RFX3: variants seen among roughly 807,000 people sequenced by gnomAD.
RFX3 encodes the protein transcription factor RFX3.
In RFX3, 14 loss-of-function variants were observed where a neutral mutation model predicts 98.6. The observed-to-expected ratio is 0.14, with a 90% CI of 0.09 to 0.22. The LOEUF is 0.22. Among genes scored for constraint, RFX3 ranks in the 10% least tolerant of loss-of-function variants. The probability of loss-of-function intolerance (pLI) is 1.00; values close to 1 mark genes in which losing one functional copy is unlikely to be tolerated. For missense variants in RFX3, 639 were observed against 926.9 expected (o/e 0.69, Z 4.03); for synonymous variants, 383 against 328.4 (o/e 1.17, Z -1.80).
intron 1 of RFX3, among the ~76,000 whole-genome samples, chr9:3,408,868 G>A (rs773680195): frequency 2.0e-5 from 3 of 152,122 alleles, no homozygotes; most frequent in Non-Finnish European, 4.4e-5. Flanking sequence ...GATGGTGATC[G>A]GGTACGATAA....
chr9:3,241,200 C>T (rs1326680335), intron 15 of RFX3, among the ~76,000 whole-genome samples: 1 of 147,122 alleles, frequency 6.8e-6, no homozygotes, highest in Non-Finnish European at 1.5e-5. Context: ...GGAGAAGGTA[C>T]ACTTTTTGGT....
At chr9:3,317,210 T>C (rs1221507022) in intron 4 of RFX3, among the ~76,000 whole-genome samples, 2 of 152,066 alleles carry the variant, frequency 1.3e-5, no homozygotes, top group Non-Finnish European at 2.9e-5. Context: ...TCAGAAATAA[T>C]ACCACACATC....
At chr9:3,339,938 T>C (rs922564209) in intron 3 of RFX3, among the ~76,000 whole-genome samples, 2 of 152,124 alleles carry the variant, frequency 1.3e-5, no homozygotes, top group East Asian at 3.8e-4. Context: ...AGAGCCCACA[T>C]TGGCAAGTCA....
At chr9:3,296,636 C>A (rs1034258824) in intron 5 of RFX3, among the ~76,000 whole-genome samples, 4 of 152,030 alleles carry the variant, frequency 2.6e-5, no homozygotes, top group African/African-American at 9.7e-5. Context: ...CACTTTGACA[C>A]TAGCAAAGCT....
At chr9:3,370,186 TA>T (rs34364552) in intron 2 of RFX3, among the ~76,000 whole-genome samples, 26,767 of 135,452 alleles carry the variant, frequency 0.2, 4,190 homozygotes, top group African/African-American at 0.44. Context: ...TTCAAATTAT[TA>T]AAAAAAAAAA....
chr9:3,506,427 A>G (rs1817104292), intron 1 of RFX3, among the ~76,000 whole-genome samples: 2 of 151,844 alleles, frequency 1.3e-5, no homozygotes, highest in African/African-American at 2.4e-5. Context: ...CAGCAGGCAC[A>G]GTAAAGTTAG....
chr9:3,444,810 A>G (rs1285123268), intron 1 of RFX3, among the ~76,000 whole-genome samples: 1 of 152,216 alleles, frequency 6.6e-6, no homozygotes, highest in East Asian at 1.9e-4. Context: ...CACCAATGGA[A>G]TATACTGACA....
At position 3,366,706 on chromosome 9, in the gene RFX3, CTTTCTTTCT is replaced by C. The variant is rs201214293; in HGVS notation, c.118-19951_118-19943del. On this transcript the variant is annotated intron_variant, in intron 2 of 16. Transcript: ENST00000617270. ...TCTTCTTTCTTTCCTTTCTTTCTTT[CTTTCTTTCT>C]TTCTTTCTTTCTTTCTTTCTTTCTT... is the stretch of plus-strand genomic sequence containing the variant. Among the ~76,000 whole-genome samples the C allele has an allele frequency of 1.3e-3, 112 of 88,800 alleles. 2 individuals are homozygous for C. Among genetic ancestry groups the C allele is most frequent in the East Asian group, 6.7e-3 (20 of 2,980 alleles). The allele number at this position is 88,800 out of a possible 152,430, so 58.3% of individuals were successfully genotyped here.
Position 3,363,578 on chromosome 9 carries a change from C to G in RFX3, c.118-16814G>C, listed in dbSNP as rs138624269. On this transcript the variant is annotated intron_variant, in intron 2 of 16. Transcript: ENST00000617270. ...TCTTACTTATACATGATTATTAAAC[C>G]AGTGCTAACACTATTATTAATAGTG... Among the ~76,000 whole-genome samples the G allele has an allele frequency of 4.0e-3, 606 of 152,210 alleles. 4 individuals carry two copies. The highest frequency in any genetic ancestry group is 0.014 in the African/African-American group (562 of 41,526).
intron 4 of RFX3, among the ~76,000 whole-genome samples, chr9:3,305,003 T>C (rs1052730874): frequency 2.0e-5 from 3 of 151,918 alleles, no homozygotes; most frequent in Non-Finnish European, 2.9e-5. Flanking sequence ...TAAGAACACC[T>C]ACAAAATTCA....
chr9:3,247,941 T>C lies in RFX3; in HGVS notation c.1968+91A>G, dbSNP rs74939481. On this transcript the variant is annotated intron_variant, in intron 15 of 16. Transcript: ENST00000617270. ...CTGAGGCTGACTTGGTTAGGAACCA[T>C]GGTTTTAATCAATAATGTATTTAGA... 3.2e-5 allele frequency: 51 copies of C among 1,613,242 alleles called. No homozygotes were observed. In the African/African-American group the frequency reaches 4.5e-4, roughly 14 times the overall value.
chr9:3,313,694 G>A (rs2130543875), intron 4 of RFX3, among the ~76,000 whole-genome samples: 1 of 152,328 alleles, frequency 6.6e-6, no homozygotes, highest in Non-Finnish European at 1.5e-5. Context: ...TGATGGAGCT[G>A]AAAACCATGG....
intron 1 of RFX3, among the ~76,000 whole-genome samples, chr9:3,425,362 C>T (rs1049958250): frequency 2.0e-5 from 3 of 152,192 alleles, no homozygotes; most frequent in Non-Finnish European, 4.4e-5. Flanking sequence ...TTTTATATAT[C>T]TGTATGGTCA....
intron 1 of RFX3, among the ~76,000 whole-genome samples, chr9:3,431,973 T>A (rs1243894300): frequency 6.6e-6 from 1 of 152,176 alleles, no homozygotes; most frequent in African/African-American, 2.4e-5. Flanking sequence ...CCACTATTTG[T>A]GCAAATGCCG....
Position 3,504,196 on chromosome 9 carries a change from T to C in RFX3, c.-9+21551A>G, listed in dbSNP as rs1049017951. Among the ~76,000 whole-genome samples the C allele has an allele frequency of 3.1e-3, 307 of 98,232 alleles. 5 individuals carry two copies. Among genetic ancestry groups the C allele is most frequent in the East Asian group, 2.1e-3 (2 of 954 alleles). The allele number at this position is 98,232 out of a possible 152,430, so 64.4% of individuals were successfully genotyped here. A position where few individuals can be genotyped will look rare whatever the true frequency, so the allele number is the denominator to read the frequency against. On this transcript the variant is annotated intron_variant, in intron 1 of 16. Coordinates refer to ENST00000617270, the MANE Select transcript of RFX3 (RefSeq NM_001282116.2). ...TATATATTATACATATTATATATTA[T>C]ATATATTATATATATTATATACTAT... is the stretch of plus-strand genomic sequence containing the variant.
chr9:3,320,775 A>T (rs1192049707), intron 4 of RFX3, among the ~76,000 whole-genome samples: 1 of 46,642 alleles, frequency 2.1e-5, no homozygotes, highest in Non-Finnish European at 3.9e-5. Context: ...TAGCATATAT[A>T]TATATATATA....
In RFX3 at chr9:3,315,677, A is replaced by C. The variant is rs142399782; in HGVS notation, c.475-14057T>G. ...ACAAGAATCAGATAGATGCAATAAA[A>C]AATGATAAAGGGGATATCACCACCG... On this transcript the variant is annotated intron_variant, in intron 4 of 16. Coordinates refer to ENST00000617270, the MANE Select transcript of RFX3 (RefSeq NM_001282116.2). Among the ~76,000 whole-genome samples, 926 of 152,322 alleles carry C rather than the reference A, an allele frequency of 6.1e-3. 2 individuals are homozygous for C. Among genetic ancestry groups the C allele is most frequent in the Non-Finnish European group, 9.9e-3 (672 of 68,020 alleles).
chr9:3,450,007 T>C (rs1846430349), intron 1 of RFX3, among the ~76,000 whole-genome samples: 1 of 152,236 alleles, frequency 6.6e-6, no homozygotes, highest in Non-Finnish European at 1.5e-5. Context: ...TTTTATAGTT[T>C]ATGCATTCAC....
intron 5 of RFX3, among the ~76,000 whole-genome samples, chr9:3,300,211 A>T (rs1828476950): frequency 6.6e-6 from 1 of 151,808 alleles, no homozygotes; most frequent in East Asian, 1.9e-4. Context: ...AGAGTGACAT[A>T]CTAAATACCA....
Sources: allele counts gnomAD v4.1 joint callset (sites outside exome capture counted in the v4.1 genomes callset), GRCh38; gene constraint gnomAD v4.1.1; transcripts MANE v1.5; gene names NCBI Gene and HGNC (gene_info 2026-07-23, HGNC 2026-07-21).